Variants in OOSP3 observed in about 807,000 individuals in gnomAD.
The protein encoded by OOSP3 is oocyte secreted protein family member 3, also known as oocyte-secreted protein 3.
intron 1 of OOSP3, among the ~76,000 whole-genome samples, chr11:59,879,375 G>A (rs1311806971): frequency 6.6e-6 from 1 of 151,912 alleles, no homozygotes; most frequent in Non-Finnish European, 1.5e-5. Context: ...AATATTAATA[G>A]TTTTATTTGC....
At chr11:59,888,503 A>G (rs1853282596) in intron 2 of OOSP3, among the ~76,000 whole-genome samples, 1 of 152,200 alleles carries the variant, frequency 6.6e-6, no homozygotes, top group Non-Finnish European at 1.5e-5. Flanking sequence ...AGTTTTTAAC[A>G]TGAAGGGATG....
chr11:59,892,156 G>A (rs1853317909), intron 2 of OOSP3, among the ~76,000 whole-genome samples: 1 of 152,228 alleles, frequency 6.6e-6, no homozygotes, highest in Non-Finnish European at 1.5e-5. Flanking sequence ...CAAGGCCCTG[G>A]TGGTGTGGGC....
At chr11:59,889,705 T>C (rs910051867) in intron 2 of OOSP3, among the ~76,000 whole-genome samples, 3 of 151,788 alleles carry the variant, frequency 2.0e-5, no homozygotes, top group African/African-American at 7.3e-5. Context: ...AGTGTTTTAC[T>C]TTCAATTATG....
At chr11:59,891,133 A>T (rs113243992) in intron 2 of OOSP3, among the ~76,000 whole-genome samples, 147 of 152,254 alleles carry the variant, frequency 9.7e-4, no homozygotes, top group Non-Finnish European at 1.6e-3. Context: ...TCAGGTCATT[A>T]TGTTTCTCTC....
chr11:59,894,581 A>G (rs1853339761), intron 3 of OOSP3, among the ~76,000 whole-genome samples: 1 of 152,248 alleles, frequency 6.6e-6, no homozygotes, highest in South Asian at 2.1e-4. Flanking sequence ...TACTGAGGCT[A>G]GGACTCTGCC....
intron 3 of OOSP3, among the ~76,000 whole-genome samples, chr11:59,894,879 C>T (rs1440854968): frequency 6.6e-6 from 1 of 152,106 alleles, no homozygotes; most frequent in East Asian, 1.9e-4. Context: ...GAATAGTAGC[C>T]AAATTACTCA....
chr11:59,896,374 T>A (rs1246886206), exon 5 of OOSP3: 12 of 388,450 alleles, frequency 3.1e-5, no homozygotes, highest in Non-Finnish European at 4.5e-6. Context: ...AAAGTGCTCC[T>A]TTTAAACATA....
At chr11:59,889,210 G>T (rs1464188725) in intron 2 of OOSP3, among the ~76,000 whole-genome samples, 1 of 150,784 alleles carries the variant, frequency 6.6e-6, no homozygotes, top group East Asian at 1.9e-4. Context: ...CTAGCTAGTG[G>T]TCTACCTATT....
At chr11:59,886,250 T>C (rs1458962287) in intron 2 of OOSP3, among the ~76,000 whole-genome samples, 1 of 152,220 alleles carries the variant, frequency 6.6e-6, no homozygotes, top group African/African-American at 2.4e-5. Flanking sequence ...CTGCATAGTA[T>C]TCCATGGTAT....
intron 2 of OOSP3, among the ~76,000 whole-genome samples, chr11:59,890,093 T>C (rs1056654381): frequency 6.6e-6 from 1 of 152,230 alleles, no homozygotes; most frequent in Non-Finnish European, 1.5e-5. Context: ...AAACTAGGAT[T>C]GCAACTCCTG....
chr11:59,890,917 C>T (rs1853306016), intron 2 of OOSP3, among the ~76,000 whole-genome samples: 1 of 152,158 alleles, frequency 6.6e-6, no homozygotes, highest in South Asian at 2.1e-4. Flanking sequence ...ACTCCAATCA[C>T]TCATAGGTTT....
exon 4 of OOSP3, chr11:59,895,608 AGCTTATTTGGATTGACTC>A (rs1471782823): frequency 7.5e-6 from 3 of 398,284 alleles, no homozygotes; most frequent in Non-Finnish European, 1.3e-5. Context: ...AACCAACGCT[AGCTTATTTGGATTGACTC>A]GGATTCCATA....
chr11:59,889,227 A>ATTT (rs554885801), intron 2 of OOSP3, among the ~76,000 whole-genome samples: 5 of 134,114 alleles, frequency 3.7e-5, no homozygotes, highest in African/African-American at 1.4e-4. Context: ...TATTTTGTTG[A>ATTT]TTTTTTTTTT....
intron 2 of OOSP3, among the ~76,000 whole-genome samples, chr11:59,885,756 A>T (rs894655632): frequency 6.6e-6 from 1 of 151,998 alleles, no homozygotes; most frequent in Non-Finnish European, 1.5e-5. Flanking sequence ...TTTTACGTAC[A>T]TTCATAAGGT....
At chr11:59,887,264 A>C (rs1853271964) in intron 2 of OOSP3, among the ~76,000 whole-genome samples, 1 of 152,048 alleles carries the variant, frequency 6.6e-6, no homozygotes, top group Non-Finnish European at 1.5e-5. Flanking sequence ...GCAGTGCAGA[A>C]GCTCTTTAGT....
At chr11:59,884,241 G>T (rs995993956) in intron 2 of OOSP3, among the ~76,000 whole-genome samples, 4 of 152,210 alleles carry the variant, frequency 2.6e-5, no homozygotes, top group African/African-American at 9.6e-5. Flanking sequence ...GAAGAGAACT[G>T]CTGCAGCTGC....
At chr11:59,884,085 G>A (rs1853226690) in intron 2 of OOSP3, among the ~76,000 whole-genome samples, 2 of 152,238 alleles carry the variant, frequency 1.3e-5, no homozygotes, top group Admixed American at 1.3e-4. Flanking sequence ...CTATTGGGAA[G>A]AAGGGAAGAA....
At chr11:59,893,916 A>T (rs1032417515) in intron 2 of OOSP3, among the ~76,000 whole-genome samples, 163 bp from the exon 3 acceptor site, 7 of 152,126 alleles carry the variant, frequency 4.6e-5, no homozygotes, top group African/African-American at 1.2e-4. Context: ...GTGTTTTTTT[A>T]AAATTTTTCT....
intron 2 of OOSP3, among the ~76,000 whole-genome samples, chr11:59,892,145 C>G (rs1296734180): frequency 6.6e-6 from 1 of 152,190 alleles, no homozygotes; most frequent in Non-Finnish European, 1.5e-5. Context: ...TGCTTGGGAC[C>G]CAAGGCCCTG....
Sources: gnomAD v4.1 joint callset for allele counts (sites outside exome capture counted in the v4.1 genomes callset) on GRCh38, gnomAD v4.1.1 for gene constraint, MANE v1.5 for transcripts, NCBI Gene and HGNC (gene_info 2026-07-23, HGNC 2026-07-21) for gene names.